CDH13: variants seen among roughly 807,000 people sequenced by gnomAD.
CDH13 encodes cadherin 13.
In CDH13, 24 loss-of-function variants were observed where a neutral mutation model predicts 63.8. The observed-to-expected ratio is 0.38, with a 90% CI of 0.27 to 0.53. CDH13 has a LOEUF of 0.53. Ranked by LOEUF, CDH13 falls within the 20% of genes least tolerant of loss-of-function variation. CDH13 has a pLI of 0.85. For synonymous variants in CDH13, 503 were observed against 355.3 expected (o/e 1.42, Z -4.67); for missense variants, 1,049 against 903.1 (o/e 1.16, Z -2.07).
chr16:83,166,010 A>T (rs1567467599), intron 4 of CDH13, among the ~76,000 whole-genome samples: 1 of 152,128 alleles, frequency 6.6e-6, no homozygotes, highest in South Asian at 2.1e-4. Flanking sequence ...AAAGTAGAAA[A>T]AATGAAAGTG....
chr16:82,964,248 G>A (rs12929479), intron 2 of CDH13, among the ~76,000 whole-genome samples: 90,823 of 152,070 alleles, frequency 0.6, 28,001 homozygotes, highest in African/African-American at 0.74. Context: ...GAAGTCCCCT[G>A]TAAAGCATTT....
At chr16:83,791,154 G>GA (rs1406604523) in intron 13 of CDH13, among the ~76,000 whole-genome samples, 2 of 151,076 alleles carry the variant, frequency 1.3e-5, no homozygotes, top group Admixed American at 6.6e-5. Flanking sequence ...CCCCATCTCT[G>GA]AAAAAAAGAA....
At chr16:83,115,832 C>A (rs1437087762) in intron 3 of CDH13, among the ~76,000 whole-genome samples, 1 of 152,178 alleles carries the variant, frequency 6.6e-6, no homozygotes, top group Non-Finnish European at 1.5e-5. Context: ...CTATTTCTCC[C>A]TATCACTTTT....
At chr16:83,045,815 T>C (rs941327106) in intron 3 of CDH13, among the ~76,000 whole-genome samples, 3 of 152,204 alleles carry the variant, frequency 2.0e-5, no homozygotes, top group Non-Finnish European at 4.4e-5. Context: ...ATTTATTCAG[T>C]CTTTTTCCAC....
rs1377474235 is a variant in CDH13, at chr16:83,788,867, C to T, written c.2134+5395C>T. ...TGAAACTCTGGATCTCCTTGTGTAGCTGGAAAGTATTCAGTTGACACTCCA... is the reference window on the plus strand; with the variant it reads ...TGAAACTCTGGATCTCCTTGTGTAGTTGGAAAGTATTCAGTTGACACTCCA... On this transcript the variant is annotated intron_variant, in intron 13 of 13. Coordinates refer to ENST00000567109, the MANE Select transcript of CDH13 (RefSeq NM_001257.5). 2.6e-5 allele frequency among the ~76,000 whole-genome samples: 4 copies of T among 152,132 alleles called. No homozygotes were observed. The East Asian group carries it at 5.8e-4, about 22-fold the overall frequency.
chr16:83,191,101 C>T (rs1482483510), intron 4 of CDH13, among the ~76,000 whole-genome samples: 1 of 151,102 alleles, frequency 6.6e-6, no homozygotes, highest in Non-Finnish European at 1.5e-5. Flanking sequence ...TGGATAGTTT[C>T]TTAACCTAAA....
At chr16:83,269,913 A>G (rs1408381217) in intron 5 of CDH13, among the ~76,000 whole-genome samples, 1 of 152,348 alleles carries the variant, frequency 6.6e-6, no homozygotes, top group African/African-American at 2.4e-5. Context: ...TTCTATGCTA[A>G]GTTAAACAGA....
rs373260429 is a variant in CDH13, at chr16:82,961,092, C to G, written c.158-70918C>G. 2.4e-4 allele frequency among the ~76,000 whole-genome samples: 36 copies of G among 152,348 alleles called. No homozygotes were observed. In the East Asian group the frequency reaches 3.1e-3, roughly 13 times the overall value. On this transcript the variant is annotated intron_variant, in intron 2 of 13. Transcript: ENST00000567109. ...TAGCCACATGACTCTGCAACTGCCA[C>G]TGCCTCCCCACACCCCCTGAGCTGG...
chr16:83,396,000 G>A (rs758561717), intron 6 of CDH13, among the ~76,000 whole-genome samples: 43 of 152,042 alleles, frequency 2.8e-4, no homozygotes, highest in Non-Finnish European at 5.1e-4. Context: ...ATATGTCCAC[G>A]TGTTCTCATC....
intron 10 of CDH13, among the ~76,000 whole-genome samples, chr16:83,688,835 T>C (rs757428450): frequency 2.6e-5 from 4 of 152,232 alleles, no homozygotes; most frequent in Non-Finnish European, 5.9e-5. Flanking sequence ...TTGTTTTTAG[T>C]GGTCAGATGT....
intron 2 of CDH13, among the ~76,000 whole-genome samples, chr16:82,975,087 C>T (rs919101837): frequency 6.6e-6 from 1 of 152,216 alleles, no homozygotes; most frequent in Non-Finnish European, 1.5e-5. Flanking sequence ...TGATTTCTTT[C>T]AGTCCGATGG....
At chr16:83,432,395 A>G (rs1212073805) in intron 6 of CDH13, among the ~76,000 whole-genome samples, 2 of 152,144 alleles carry the variant, frequency 1.3e-5, no homozygotes, top group Non-Finnish European at 1.5e-5. Context: ...AGATGAGGAA[A>G]CTGAGGCCAG....
chr16:82,817,951 A>G (rs1337591546), intron 1 of CDH13, among the ~76,000 whole-genome samples: 1 of 151,944 alleles, frequency 6.6e-6, no homozygotes, highest in African/African-American at 2.4e-5. Context: ...ATGCATGTAT[A>G]TATATATATG....
chr16:82,818,387 C>G (rs535378957), intron 1 of CDH13, among the ~76,000 whole-genome samples: 1 of 152,018 alleles, frequency 6.6e-6, no homozygotes, highest in Non-Finnish European at 1.5e-5. Flanking sequence ...AGAAAGAGAG[C>G]AAAGCAACAA....
intron 8 of CDH13, among the ~76,000 whole-genome samples, chr16:83,668,525 G>A (rs141803779): frequency 6.6e-6 from 1 of 152,278 alleles, no homozygotes; most frequent in Non-Finnish European, 1.5e-5. Context: ...GTTTTCTAAG[G>A]TACAGGTGTC....
chr16:82,835,306 C>G (rs552789135), intron 1 of CDH13, among the ~76,000 whole-genome samples: 17 of 152,310 alleles, frequency 1.1e-4, no homozygotes, highest in African/African-American at 3.8e-4. Context: ...GAGCTGGAAC[C>G]AATTTATGCT....
chr16:83,521,173 T>G (rs1338960628), intron 7 of CDH13, among the ~76,000 whole-genome samples: 1 of 152,212 alleles, frequency 6.6e-6, no homozygotes, highest in Admixed American at 6.5e-5. Context: ...GTTTTAAATT[T>G]AAATTATTGC....
intron 2 of CDH13, among the ~76,000 whole-genome samples, chr16:82,978,879 G>A (rs994693055): frequency 8.2e-5 from 5 of 61,084 alleles, no homozygotes; most frequent in African/African-American, 5.0e-4. Context: ...TAGCTCCACC[G>A]ACAGCTTGCA....
At chr16:83,009,728 G>A (rs1330736724) in intron 2 of CDH13, among the ~76,000 whole-genome samples, 2 of 152,240 alleles carry the variant, frequency 1.3e-5, no homozygotes, top group East Asian at 1.9e-4. Context: ...TCATGTAGCT[G>A]TACAAGCATT....
Sources: gnomAD v4.1 joint callset for allele counts (sites outside exome capture counted in the v4.1 genomes callset) on GRCh38, gnomAD v4.1.1 for gene constraint, MANE v1.5 for transcripts, NCBI Gene and HGNC (gene_info 2026-07-23, HGNC 2026-07-21) for gene names.